AGL: variants seen among roughly 807,000 people sequenced by gnomAD.
AGL encodes amylo-alpha-1,6-glucosidase and 4-alpha-glucanotransferase.
AGL carries 128 observed loss-of-function variants against 199.3 expected under a neutral mutation model. That is an observed-to-expected ratio of 0.64 (90% CI 0.56 to 0.74). The LOEUF is 0.74. Ranked by LOEUF, AGL falls within the 30% of genes least tolerant of loss-of-function variation. The pLI is 0.00. For synonymous variants in AGL, 584 were observed against 594.7 expected, an observed-to-expected ratio of 0.98 and a Z score of 0.26; for missense variants, 1,809 against 1,820.8, an observed-to-expected ratio of 0.99 and a Z score of 0.12.
intron 7 of AGL, among the ~76,000 whole-genome samples, chr1:99,871,246 T>C (rs1387157638): frequency 6.6e-6 from 1 of 152,128 alleles, no homozygotes; most frequent in Non-Finnish European, 1.5e-5. Flanking sequence ...TCTCCTGTTG[T>C]CTATAGTAAG....
At chr1:99,870,660 C>G in intron 6 of AGL, 79 bp downstream of exon 6, 2 of 1,514,426 alleles carry the variant, frequency 1.3e-6, no homozygotes, top group Non-Finnish European at 1.8e-6. Context: ...TTGAAAATTA[C>G]TTAGAACCTG....
At chr1:99,887,318 A>G (rs2100776954) in intron 20 of AGL, among the ~76,000 whole-genome samples, 1 of 152,312 alleles carries the variant, frequency 6.6e-6, no homozygotes, top group East Asian at 1.9e-4. Flanking sequence ...AACAAAGGGA[A>G]ATCAAGGCCA....
chr1:99,856,884 C>T (rs1053875941), intron 2 of AGL, among the ~76,000 whole-genome samples: 2 of 152,242 alleles, frequency 1.3e-5, no homozygotes, highest in African/African-American at 4.8e-5. Context: ...TATCTTTTCC[C>T]CACCTCTCCC....
Position 99,905,202 on chromosome 1 carries a change from G to T in AGL, c.3700+2408G>T, listed in dbSNP as rs534890274. 3.3e-5 allele frequency among the ~76,000 whole-genome samples: 5 copies of T among 152,008 alleles called. 1 individual carries two copies. Among genetic ancestry groups the T allele is most frequent in the Admixed American group, 1.3e-4 (2 of 15,250 alleles). Reference sequence around the variant, plus strand: ...TAGACCACTACAAACTGTGTGTGGTGGGGGGGTGGGTCTGAGATGGAGTCT... The same window carrying T: ...TAGACCACTACAAACTGTGTGTGGTTGGGGGGTGGGTCTGAGATGGAGTCT... On this transcript the variant is annotated intron_variant, in intron 27 of 33. Coordinates refer to ENST00000361915, the MANE Select transcript of AGL (RefSeq NM_000642.3).
intron 33 of AGL, among the ~76,000 whole-genome samples, chr1:99,919,258 C>T (rs1655348784): frequency 6.6e-6 from 1 of 152,220 alleles, no homozygotes; most frequent in Non-Finnish European, 1.5e-5. Flanking sequence ...ATTTGTTTCT[C>T]ATCCTTCAAG....
In AGL at chr1:99,884,655, G is replaced by A; in HGVS notation, c.2633G>A (p.Ser878Asn). Residue 878 changes from serine to asparagine, a missense_variant, in exon 20 of 34, where the codon AGC becomes AAC. Transcript: ENST00000361915. ...TQFSPHFKSG[S>N]LAVDNADPIL... Reference sequence around the variant, plus strand: ...TTCAGTCCTCACTTTAAATCTGGCAGCCTAGCTGTTGACAATGCAGATCCT... The same window carrying A: ...TTCAGTCCTCACTTTAAATCTGGCAACCTAGCTGTTGACAATGCAGATCCT... 1.9e-6 allele frequency: 3 copies of A among 1,614,016 alleles called. No individual in the cohort carries two copies. Among genetic ancestry groups the A allele is most frequent in the Non-Finnish European group, 2.5e-6 (3 of 1,179,958 alleles).
chr1:99,855,540 C>T (rs1303449658), intron 2 of AGL, among the ~76,000 whole-genome samples: 1 of 152,174 alleles, frequency 6.6e-6, no homozygotes, highest in Non-Finnish European at 1.5e-5. Context: ...GTGGCTTACT[C>T]CTGTAATCCC....
At chr1:99,863,570 A>C (rs572450015) in intron 4 of AGL, among the ~76,000 whole-genome samples, 1 of 152,038 alleles carries the variant, frequency 6.6e-6, no homozygotes, top group African/African-American at 2.4e-5. Flanking sequence ...CTTCTGCCTC[A>C]GCCTCCCGAG....
chr1:99,893,690 C>T (rs150667149), intron 24 of AGL, among the ~76,000 whole-genome samples: 59 of 152,094 alleles, frequency 3.9e-4, no homozygotes, highest in African/African-American at 9.2e-4. Flanking sequence ...TTCTCAGGTA[C>T]GATATAAAAC....
Position 99,881,391 on chromosome 1 carries a change from G to A in AGL, c.2101G>A (p.Ala701Thr). Residue 701 changes from alanine (A) to threonine (T), a missense_variant, in exon 16 of 34, where the codon GCC becomes ACC. By Grantham distance (58) the Ala-to-Thr change is moderately conservative. Transcript: ENST00000361915. Reference sequence around the variant, plus strand: ...TAATTTCCAAAGCGGCATTATTGCAGCCAGGTGTGCTATCAGTAAACTTCA... The same window carrying A: ...TAATTTCCAAAGCGGCATTATTGCAACCAGGTGTGCTATCAGTAAACTTCA... ...EVNFQSGIIA[A>T]RCAISKLHQE... The A allele has an allele frequency of 1.9e-6, 3 of 1,614,148 alleles. No individual in the cohort carries two copies. The highest frequency in any genetic ancestry group is 1.1e-5 in the South Asian group (1 of 91,090).
Position 99,862,267 on chromosome 1 carries a change from AGTG to A in AGL, c.309_311del (p.Gly105del), listed in dbSNP as rs775865279. The A allele has an allele frequency of 1.4e-5, 23 of 1,613,930 alleles. No homozygotes were observed. In the East Asian group the frequency reaches 3.8e-4, roughly 27 times the overall value. On this transcript the variant is annotated inframe_deletion, in exon 4 of 34. Transcript: ENST00000361915. ...TGTTTTTTCCCTTAGAAATGAGAAA[AGTG>A]GTGGAGGTTACATAGTTGTGGACCC...
chr1:99,898,199 A>C (rs948235424), intron 25 of AGL, among the ~76,000 whole-genome samples: 33 of 152,134 alleles, frequency 2.2e-4, no homozygotes, highest in Non-Finnish European at 4.0e-4. Flanking sequence ...GGCGCCCGCC[A>C]CCACACCCGG....
intron 5 of AGL, among the ~76,000 whole-genome samples, chr1:99,868,077 T>C (rs1164883493): frequency 6.6e-6 from 1 of 152,242 alleles, no homozygotes; most frequent in African/African-American, 2.4e-5. Flanking sequence ...AAAATTATTT[T>C]CACCAGTTAA....
intron 2 of AGL, among the ~76,000 whole-genome samples, chr1:99,858,201 G>A (rs1649733482): frequency 6.6e-6 from 1 of 152,158 alleles, no homozygotes; most frequent in African/African-American, 2.4e-5. Context: ...TCACAGGAGT[G>A]ATCGAACTTA....
chr1:99,891,741 T>C lies in AGL; in HGVS notation c.3083+2T>C, dbSNP rs1057516952. The C allele has an allele frequency of 6.2e-7, 1 of 1,613,436 alleles. No individual in the cohort carries two copies. The highest frequency in any genetic ancestry group is 8.5e-7 in the Non-Finnish European group (1 of 1,179,554). On this transcript the variant is annotated splice_donor_variant, in intron 23 of 33. Coordinates refer to ENST00000361915, the MANE Select transcript of AGL (RefSeq NM_000642.3). LOFTEE classifies it high-confidence loss of function. Reference sequence around the variant, plus strand: ...TACAGCATGGAAGCAGATGTCAAGGTATATCCAACAAAGCTTGAATAAATG... The same window carrying C: ...TACAGCATGGAAGCAGATGTCAAGGCATATCCAACAAAGCTTGAATAAATG...
intron 5 of AGL, among the ~76,000 whole-genome samples, chr1:99,865,709 A>G (rs2640911): frequency 0.41 from 62,411 of 152,110 alleles, 13,226 homozygotes; most frequent in East Asian, 0.49. Context: ...CAAGAATTCT[A>G]GTTGGTACAA....
Position 99,915,411 on chromosome 1 carries a change from A to G in AGL, c.4184A>G (p.Glu1395Gly), listed in dbSNP as rs371446246. ...MVVAPELFTT[E>G]KAWKALEIAE... Reference sequence around the variant, plus strand: ...TAGGCCCCTGAGCTCTTTACTACAGAAAAAGCATGGAAAGCTTTGGAGATT... The same window carrying G: ...TAGGCCCCTGAGCTCTTTACTACAGGAAAAGCATGGAAAGCTTTGGAGATT... The change falls in exon 31 of 34, where the codon GAA (glutamate) becomes GGA (glycine). Residue 1395 changes from glutamate (E) to glycine (G), a missense_variant. Glu to Gly is a moderately conservative substitution (Grantham distance 98). Transcript: ENST00000361915. 1.9e-6 allele frequency: 3 copies of G among 1,613,824 alleles called. No individual in the cohort carries two copies. The highest frequency in any genetic ancestry group is 2.7e-5 in the African/African-American group (2 of 74,896).
intron 24 of AGL, among the ~76,000 whole-genome samples, chr1:99,892,953 A>G (rs1372235024): frequency 6.6e-6 from 1 of 152,162 alleles, no homozygotes; most frequent in African/African-American, 2.4e-5. Context: ...TCTTGTAATT[A>G]TCAAGAGGTC....
rs757095271 is a variant in AGL at position 99,874,813 on chromosome 1, A to C, written c.1082+3A>C. ...CTAACGACTTTCATACCACATGAGT[A>C]TGTAATGTGTTTTTTTCTGTGAAAT... On this transcript the variant is annotated splice_donor_region_variant and intron_variant, in intron 8 of 33. Coordinates refer to ENST00000361915, the MANE Select transcript of AGL (RefSeq NM_000642.3). The C allele has an allele frequency of 6.2e-7, 1 of 1,613,474 alleles. No individual in the cohort carries two copies. The highest frequency in any genetic ancestry group is 8.5e-7 in the Non-Finnish European group (1 of 1,179,506).
Sources: allele counts gnomAD v4.1 joint callset (sites outside exome capture counted in the v4.1 genomes callset), GRCh38; gene constraint gnomAD v4.1.1; transcripts MANE v1.5; gene names NCBI Gene and HGNC (gene_info 2026-07-23, HGNC 2026-07-21).